The following EXOC6B variants were observed in gnomAD, a reference collection of about 807,000 sequenced individuals.
EXOC6B encodes SEC15 homolog B.
EXOC6B carries 54 observed loss-of-function variants against 113.5 expected under a neutral mutation model. That is an observed-to-expected ratio of 0.48 (90% CI 0.38 to 0.60). The LOEUF (loss-of-function observed/expected upper bound fraction) is 0.60, where lower values mean the gene tolerates loss of function less well. Among genes scored for constraint, EXOC6B ranks in the 20% least tolerant of loss-of-function variants. The pLI is 0.00. For missense variants in EXOC6B, 797 were observed against 977.5 expected, an observed-to-expected ratio of 0.82 and a Z score of 2.46; for synonymous variants, 357 against 339.0, an observed-to-expected ratio of 1.05 and a Z score of -0.58.
chr2:72,400,711 A>G (rs1441021675), intron 18 of EXOC6B, among the ~76,000 whole-genome samples: 1 of 151,934 alleles, frequency 6.6e-6, no homozygotes, highest in Non-Finnish European at 1.5e-5. Flanking sequence ...ACTAATTATC[A>G]GAGAAAAATA....
Position 72,179,140 on chromosome 2 carries a change from AC to A in EXOC6B, c.*194del. On this transcript the variant is annotated 3_prime_UTR_variant, in exon 22 of 22. Coordinates refer to ENST00000272427, the MANE Select transcript of EXOC6B (RefSeq NM_015189.3). ...ACTTCCCCTGAGTCCCAGCCTAGCA[AC>A]ATCTCATGTACTTGCTTATTCTTGT... The A allele has an allele frequency of 1.7e-6, 1 of 586,316 alleles. No individual in the cohort carries two copies. Among genetic ancestry groups the A allele is most frequent in the East Asian group, 3.1e-5 (1 of 32,022 alleles). 36.3% of individuals were successfully genotyped at this position (586,316 alleles called of 1,614,324 possible).
intron 1 of EXOC6B, among the ~76,000 whole-genome samples, chr2:72,800,876 G>A (rs986990087): frequency 6.6e-5 from 10 of 152,096 alleles, no homozygotes; most frequent in Non-Finnish European, 1.3e-4. Flanking sequence ...CTCTATCAAC[G>A]ATGTAAAATA....
At chr2:72,600,971 A>T (rs1349706654) in intron 6 of EXOC6B, among the ~76,000 whole-genome samples, 1 of 152,140 alleles carries the variant, frequency 6.6e-6, no homozygotes, top group African/African-American at 2.4e-5. Context: ...AAGGGAAAGG[A>T]TTCAACGAAT....
chr2:72,187,500 G>A (rs941663902), intron 20 of EXOC6B, among the ~76,000 whole-genome samples: 1 of 152,024 alleles, frequency 6.6e-6, no homozygotes, highest in African/African-American at 2.4e-5. Context: ...CCCACAGTGG[G>A]AAGCTCCTCT....
At chr2:72,498,655 T>C in intron 12 of EXOC6B, 104 bp from the exon 13 acceptor site, 1 of 630,658 alleles carries the variant, frequency 1.6e-6, no homozygotes, top group Non-Finnish European at 2.7e-6. Flanking sequence ...TGAAAAACAT[T>C]ACATTCTTTG....
intron 20 of EXOC6B, among the ~76,000 whole-genome samples, chr2:72,245,171 T>C (rs1209294146): frequency 6.6e-6 from 1 of 152,188 alleles, no homozygotes; most frequent in African/African-American, 2.4e-5. Flanking sequence ...AGACCCATTA[T>C]AGCCAACATA....
chr2:72,611,001 C>A (rs989135226), intron 6 of EXOC6B, among the ~76,000 whole-genome samples: 6 of 152,106 alleles, frequency 3.9e-5, no homozygotes, highest in African/African-American at 1.4e-4. Flanking sequence ...AAATCCATAT[C>A]CCACTCTAAT....
intron 19 of EXOC6B, among the ~76,000 whole-genome samples, chr2:72,365,338 G>A: frequency 1.3e-5 from 2 of 151,232 alleles, no homozygotes; most frequent in South Asian, 4.2e-4. Context: ...TTTCCAGTGT[G>A]AAAAAAAAAT....
rs559250507 is a variant in EXOC6B, at chr2:72,404,019, C to T, written c.1981-24149G>A. On this transcript the variant is annotated intron_variant, in intron 18 of 21. Coordinates refer to ENST00000272427, the MANE Select transcript of EXOC6B (RefSeq NM_015189.3). ...TCAGGTCACTCCCACCCTAATACTG[C>T]GATTTTCCAAGGGTCTTAGCAAACG... Among the ~76,000 whole-genome samples, 23 of 152,292 alleles carry T rather than the reference C, an allele frequency of 1.5e-4. 1 individual carries two copies. The highest frequency in any genetic ancestry group is 1.4e-3 in the Admixed American group (21 of 15,310).
intron 6 of EXOC6B, among the ~76,000 whole-genome samples, chr2:72,681,308 T>C (rs907498483): frequency 2.0e-5 from 3 of 152,152 alleles, no homozygotes; most frequent in Non-Finnish European, 4.4e-5. Flanking sequence ...TCAAAATTTA[T>C]CTCAGTCTGA....
At chr2:72,681,033 A>T in intron 6 of EXOC6B, among the ~76,000 whole-genome samples, 1 of 152,196 alleles carries the variant, frequency 6.6e-6, no homozygotes, top group African/African-American at 2.4e-5. Context: ...ACACCCGCTT[A>T]CATACAACTC....
At chr2:72,755,783 C>T (rs561196904) in intron 1 of EXOC6B, among the ~76,000 whole-genome samples, 1 of 152,146 alleles carries the variant, frequency 6.6e-6, no homozygotes, top group Non-Finnish European at 1.5e-5. Flanking sequence ...CAAGACCTGG[C>T]TCTGAAGAGA....
At chr2:72,205,221 C>T (rs1470669596) in intron 20 of EXOC6B, among the ~76,000 whole-genome samples, 1 of 152,034 alleles carries the variant, frequency 6.6e-6, no homozygotes, top group Non-Finnish European at 1.5e-5. Context: ...ATGAGGAAGC[C>T]CCAACATCTG....
Position 72,202,674 on chromosome 2 carries a change from T to C in EXOC6B, c.2197-18487A>G, listed in dbSNP as rs1453872163. 2.0e-5 allele frequency among the ~76,000 whole-genome samples: 3 copies of C among 152,328 alleles called. No individual in the cohort carries two copies. In the East Asian group the frequency reaches 5.8e-4, roughly 29 times the overall value. Reference sequence around the variant, plus strand: ...TTTTTTTTACCTGAGATCTCTCCCATGTCTACAAGAAAATCATTCAGAAGT... The same window carrying C: ...TTTTTTTTACCTGAGATCTCTCCCACGTCTACAAGAAAATCATTCAGAAGT... On this transcript the variant is annotated intron_variant, in intron 20 of 21. Transcript: ENST00000272427.
rs540491180 is a variant in EXOC6B at position 72,203,648 on chromosome 2, C to T, written c.2197-19461G>A. Among the ~76,000 whole-genome samples, 26 of 152,228 alleles carry T rather than the reference C, an allele frequency of 1.7e-4. No homozygotes were observed. The South Asian group carries it at 3.5e-3, about 21-fold the overall frequency. Reference sequence around the variant, plus strand: ...GAGTAAGAGATTATAGAAGCTAGTTCGAGATTTAATACTTAACCACCAAGA... The same window carrying T: ...GAGTAAGAGATTATAGAAGCTAGTTTGAGATTTAATACTTAACCACCAAGA... On this transcript the variant is annotated intron_variant, in intron 20 of 21. Transcript: ENST00000272427.
At chr2:72,406,100 C>T (rs1693735287) in intron 18 of EXOC6B, among the ~76,000 whole-genome samples, 1 of 152,078 alleles carries the variant, frequency 6.6e-6, no homozygotes, top group Admixed American at 6.5e-5. Context: ...TCAAAAGAGA[C>T]AAAGAAGGCC....
At chr2:72,700,237 AACACACACACACACACACACACAC>A (rs3034948) in intron 6 of EXOC6B, among the ~76,000 whole-genome samples, 1 of 142,318 alleles carries the variant, frequency 7.0e-6, no homozygotes, top group African/African-American at 2.7e-5. Context: ...AGACCACAGA[AACACACACACACACACACACACAC>A]ACACACACAC....
At chr2:72,693,943 T>C (rs75320460) in intron 6 of EXOC6B, among the ~76,000 whole-genome samples, 2,499 of 152,250 alleles carry the variant, frequency 0.016, 92 homozygotes, top group African/African-American at 0.058. Flanking sequence ...AAGGAACTGA[T>C]GGTTTCTCTA....
chr2:72,772,353 A>T (rs1683453355), intron 1 of EXOC6B, among the ~76,000 whole-genome samples: 2 of 152,144 alleles, frequency 1.3e-5, no homozygotes, highest in Admixed American at 1.3e-4. Context: ...CTCCAGTGCC[A>T]GGATGGCCCC....
Sources: allele counts gnomAD v4.1 joint callset (sites outside exome capture counted in the v4.1 genomes callset), GRCh38; gene constraint gnomAD v4.1.1; transcripts MANE v1.5; gene names NCBI Gene and HGNC (gene_info 2026-07-23, HGNC 2026-07-21).